Variants in KSR1 observed in about 807,000 individuals in gnomAD.
The protein encoded by KSR1 is kinase suppressor of ras.
In KSR1, 35 loss-of-function variants were observed where a neutral mutation model predicts 92.9. The observed-to-expected ratio is 0.38, with a 90% confidence interval of 0.29 to 0.50. The LOEUF (loss-of-function observed/expected upper bound fraction) is 0.50, where lower values mean the gene tolerates loss of function less well. KSR1 is among the 20% of genes least tolerant of loss of function. The pLI is 0.94. For missense variants in KSR1, 972 were observed against 1,158.5 expected (o/e 0.84, Z 2.34); for synonymous variants, 467 against 472.6 (o/e 0.99, Z 0.15).
chr17:27,512,968 T>C (rs2069656463), intron 1 of KSR1, among the ~76,000 whole-genome samples: 1 of 152,184 alleles, frequency 6.6e-6, no homozygotes, highest in Non-Finnish European at 1.5e-5. Context: ...CTTCTCTTAC[T>C]GCCACGCACA....
In KSR1 at chr17:27,577,366, C is replaced by G; in HGVS notation, c.373-126C>G. ...TTGTGTCCCCAAGCACGTGGTGGCT[C>G]TGGTCAGAGGCCGGCCCAGCCAGCA... On this transcript the variant is annotated intron_variant, in intron 2 of 20. Transcript: ENST00000644974. The surrounding 1 kb of genome is among the most constrained non-coding windows in gnomAD (Gnocchi z 4.5). 1.6e-6 allele frequency: 1 copy of G among 619,848 alleles called. No individual in the cohort carries two copies. Among genetic ancestry groups the G allele is most frequent in the Non-Finnish European group, 2.8e-6 (1 of 355,480 alleles). 38.4% of individuals were successfully genotyped at this position (619,848 alleles called of 1,614,324 possible).
chr17:27,564,746 C>A (rs1488523315), intron 2 of KSR1, among the ~76,000 whole-genome samples: 142 of 142,130 alleles, frequency 1.0e-3, no homozygotes, highest in African/African-American at 3.5e-3. Context: ...ACCCCCCCCC[C>A]CCACCTCCCC....
intron 1 of KSR1, among the ~76,000 whole-genome samples, chr17:27,485,445 G>A (rs1487810894): frequency 6.6e-6 from 1 of 152,192 alleles, no homozygotes; most frequent in Admixed American, 6.5e-5. Flanking sequence ...TAACAGGCCT[G>A]ACTGGCCCTC....
chr17:27,611,477 T>A lies in KSR1; in HGVS notation c.2358-17T>A, dbSNP rs755971319. On this transcript the variant is annotated splice_polypyrimidine_tract_variant and intron_variant, in intron 17 of 20. Coordinates refer to ENST00000644974, the MANE Select transcript of KSR1 (RefSeq NM_001394583.1). ...ACAGCGGCCCAGGAGCTCACAGACA[T>A]GGCTGGGTCTCTGCAGGACTGTTTG... is the stretch of plus-strand genomic sequence containing the variant. 1.9e-6 allele frequency: 3 copies of A among 1,613,704 alleles called. No homozygotes were observed. Among genetic ancestry groups the A allele is most frequent in the Non-Finnish European group, 2.5e-6 (3 of 1,179,704 alleles).
chr17:27,578,426 A>C (rs992042478), intron 3 of KSR1: 4 of 152,306 alleles, frequency 2.6e-5, no homozygotes, highest in Non-Finnish European at 5.9e-5. Context: ...AACACGGCAC[A>C]GTGTAGAAAG....
intron 5 of KSR1, chr17:27,585,942 T>G: frequency 6.9e-6 from 3 of 437,134 alleles, no homozygotes; most frequent in South Asian, 3.3e-5. Context: ...TGTCTCCACC[T>G]TGCCCTTCCC....
chr17:27,555,511 C>CGTGTGTGTGT lies in KSR1; in HGVS notation c.372+4820_372+4829dup, dbSNP rs71359222. ...TTGCCCATCCTTCAGTTTTGTTTGG[C>CGTGTGTGTGT]GTGTGTGTGTGTGTGTGTGTGTGTG... On this transcript the variant is annotated intron_variant, in intron 2 of 20. Transcript: ENST00000644974. 8.3e-3 allele frequency among the ~76,000 whole-genome samples: 1,245 copies of CGTGTGTGTGT among 150,186 alleles called. 17 individuals are homozygous for CGTGTGTGTGT. The highest frequency in any genetic ancestry group is 0.029 in the African/African-American group (1,189 of 40,748).
At chr17:27,558,424 T>C (rs1010071474) in intron 2 of KSR1, among the ~76,000 whole-genome samples, 3 of 152,146 alleles carry the variant, frequency 2.0e-5, no homozygotes, top group Admixed American at 6.5e-5. Context: ...AGGTATGATA[T>C]GAATGCCTGT....
At chr17:27,606,806 A>C (rs1331702711) in intron 14 of KSR1, among the ~76,000 whole-genome samples, 1 of 151,548 alleles carries the variant, frequency 6.6e-6, no homozygotes, top group Non-Finnish European at 1.5e-5. Flanking sequence ...AAAAAAAAAA[A>C]GTAGTTAATG....
intron 19 of KSR1, among the ~76,000 whole-genome samples, chr17:27,620,159 G>C (rs1286985742): frequency 6.6e-6 from 1 of 152,228 alleles, no homozygotes; most frequent in Non-Finnish European, 1.5e-5. Context: ...ACTGTGTGGG[G>C]TTAGGGAATA....
At chr17:27,565,875 A>AT (rs901144347) in intron 2 of KSR1, among the ~76,000 whole-genome samples, 169 of 150,858 alleles carry the variant, frequency 1.1e-3, no homozygotes, top group African/African-American at 3.2e-3. Context: ...TGTTTTCTAC[A>AT]TTTTTTTTTT....
chr17:27,552,344 T>A (rs1460623543), intron 2 of KSR1, among the ~76,000 whole-genome samples: 2 of 152,226 alleles, frequency 1.3e-5, no homozygotes, highest in African/African-American at 4.8e-5. Context: ...ATATGGCAGT[T>A]GCTTGGTTGC....
At chr17:27,526,785 C>T (rs1184464721) in intron 1 of KSR1, 31 of 1,118,362 alleles carry the variant, frequency 2.8e-5, no homozygotes, top group East Asian at 1.9e-4. Context: ...CTATTTGAAA[C>T]AGCAAATGAT....
chr17:27,513,962 G>A (rs765417495), intron 1 of KSR1, among the ~76,000 whole-genome samples: 1 of 152,212 alleles, frequency 6.6e-6, no homozygotes, highest in East Asian at 1.9e-4. Flanking sequence ...GAGAATCGTC[G>A]GAAAGGCTGA....
intron 1 of KSR1, chr17:27,526,905 A>C: frequency 1.6e-6 from 1 of 633,914 alleles, no homozygotes; most frequent in Admixed American, 2.8e-5. Context: ...CTCCTTCCCT[A>C]GGACTTGGTT....
intron 2 of KSR1, among the ~76,000 whole-genome samples, chr17:27,575,536 TTTGTGACCTGTATC>T (rs1357870242): frequency 6.6e-6 from 1 of 152,222 alleles, no homozygotes; most frequent in Non-Finnish European, 1.5e-5. Context: ...TCATGGGGTC[TTTGTGACCTGTATC>T]TTGTGACCTT....
At chr17:27,487,576 C>T (rs1009004678) in intron 1 of KSR1, among the ~76,000 whole-genome samples, 6 of 139,590 alleles carry the variant, frequency 4.3e-5, no homozygotes, top group African/African-American at 1.5e-4. Flanking sequence ...TGGTGAAACC[C>T]CATCTCTTTT....
chr17:27,614,855 C>T (rs1440189197), intron 18 of KSR1, among the ~76,000 whole-genome samples: 1 of 152,108 alleles, frequency 6.6e-6, no homozygotes, highest in Non-Finnish European at 1.5e-5. Flanking sequence ...TCCAGTCTTG[C>T]CTTCCCTTTT....
In KSR1 at chr17:27,611,694, TG is replaced by T. The variant is rs1191223460; in HGVS notation, c.2493+66del. On this transcript the variant is annotated intron_variant, in intron 18 of 20. Coordinates refer to ENST00000644974, the MANE Select transcript of KSR1 (RefSeq NM_001394583.1). ...GGTGGGGTGGGGCATGTGGCATGGC[TG>T]CCCTTCACTCACCCACCTGAGAAAT... is the stretch of plus-strand genomic sequence containing the variant. 2.5e-6 allele frequency: 4 copies of T among 1,592,716 alleles called. No homozygotes were observed. In the African/African-American group the frequency reaches 5.4e-5, roughly 21 times the overall value.
Sources: allele counts gnomAD v4.1 joint callset (sites outside exome capture counted in the v4.1 genomes callset), GRCh38; gene constraint gnomAD v4.1.1; non-coding constraint Gnocchi (gnomAD v3.1); transcripts MANE v1.5; gene names NCBI Gene and HGNC (gene_info 2026-07-23, HGNC 2026-07-21).